ACER3: variants seen among roughly 807,000 people sequenced by gnomAD.
ACER3 encodes the protein alkCDase 3.
Under a neutral mutation model 48.9 loss-of-function variants are expected in ACER3, and 16 were observed. The observed-to-expected ratio is 0.33, with a 90% CI of 0.22 to 0.50. The LOEUF is 0.50. Among genes scored for constraint, ACER3 ranks in the 20% least tolerant of loss-of-function variants. ACER3 has a pLI of 0.98. For missense variants in ACER3, 227 were observed against 326.0 expected, an observed-to-expected ratio of 0.70 and a Z score of 2.34; for synonymous variants, 109 against 107.8, an observed-to-expected ratio of 1.01 and a Z score of -0.07.
At chr11:77,010,493 A>T (rs1949242051) in intron 7 of ACER3, among the ~76,000 whole-genome samples, 1 of 152,078 alleles carries the variant, frequency 6.6e-6, no homozygotes, top group Non-Finnish European at 1.5e-5. Context: ...TGAATAGATA[A>T]TGTTGAGCCA....
At chr11:76,986,533 T>G (rs1055896354) in intron 5 of ACER3, among the ~76,000 whole-genome samples, 1 of 152,204 alleles carries the variant, frequency 6.6e-6, no homozygotes, top group African/African-American at 2.4e-5. Flanking sequence ...CAGAGAACTT[T>G]GAAACAACAT....
chr11:76,989,744 G>T (rs1948759803), intron 5 of ACER3, among the ~76,000 whole-genome samples: 1 of 152,142 alleles, frequency 6.6e-6, no homozygotes, highest in African/African-American at 2.4e-5. Flanking sequence ...TAAGAAATTT[G>T]AACTTTGTCT....
intron 1 of ACER3, among the ~76,000 whole-genome samples, chr11:76,876,127 G>C (rs573323101): frequency 1.3e-5 from 2 of 152,236 alleles, no homozygotes; most frequent in East Asian, 3.9e-4. Context: ...ATTTTTGCTG[G>C]ATTTTGAGAA....
intron 3 of ACER3, among the ~76,000 whole-genome samples, chr11:76,969,667 CCAT>C (rs1948238781): frequency 6.6e-6 from 1 of 150,448 alleles, no homozygotes; most frequent in South Asian, 2.1e-4. Flanking sequence ...AAGCTGGAAA[CCAT>C]CATTCTCAGC....
intron 6 of ACER3, among the ~76,000 whole-genome samples, chr11:76,992,048 CA>C (rs1438981984): frequency 2.7e-5 from 4 of 149,748 alleles, no homozygotes; most frequent in African/African-American, 9.8e-5. Flanking sequence ...GGAAACATAG[CA>C]AAAAAAGAAA....
At position 76,919,513 on chromosome 11, in the gene ACER3, A is replaced by G. The variant is rs181975511; in HGVS notation, c.104-7044A>G. ...GGAGAATGTGTTTGGGGGTATAAAA[A>G]TATCATAGTTTTCAAAAATCTAAAT... On this transcript the variant is annotated intron_variant, in intron 1 of 10. Coordinates refer to ENST00000532485, the MANE Select transcript of ACER3 (RefSeq NM_018367.7). Among the ~76,000 whole-genome samples, 712 of 152,308 alleles carry G rather than the reference A, an allele frequency of 4.7e-3. 10 individuals are homozygous for G. Among genetic ancestry groups the G allele is most frequent in the Non-Finnish European group, 1.2e-3 (85 of 68,028 alleles).
chr11:76,902,291 A>G (rs1344965034), intron 1 of ACER3, among the ~76,000 whole-genome samples: 2 of 152,186 alleles, frequency 1.3e-5, no homozygotes, highest in Admixed American at 1.3e-4. Flanking sequence ...GCTTTAAGTC[A>G]TCATATAATG....
At chr11:76,913,911 T>A (rs1946454052) in intron 1 of ACER3, among the ~76,000 whole-genome samples, 1 of 152,204 alleles carries the variant, frequency 6.6e-6, no homozygotes, top group East Asian at 1.9e-4. Context: ...TACAACCATC[T>A]GATCTTTGAC....
chr11:76,988,912 A>G (rs1279423592), intron 5 of ACER3, among the ~76,000 whole-genome samples: 4 of 152,202 alleles, frequency 2.6e-5, no homozygotes, highest in Non-Finnish European at 5.9e-5. Flanking sequence ...CTTGCAAATT[A>G]CTTAATCTCT....
At chr11:76,952,929 G>T (rs1947723813) in intron 2 of ACER3, among the ~76,000 whole-genome samples, 1 of 152,074 alleles carries the variant, frequency 6.6e-6, no homozygotes, top group Admixed American at 6.5e-5. Context: ...GCCTCCCAAA[G>T]TGCTGGGATT....
intron 3 of ACER3, among the ~76,000 whole-genome samples, chr11:76,963,217 G>A (rs1948046351): frequency 6.6e-6 from 1 of 151,220 alleles, no homozygotes; most frequent in East Asian, 1.9e-4. Context: ...AGGGAGGAGG[G>A]GGGCTTACTT....
chr11:76,937,748 CA>C (rs1287567486), intron 2 of ACER3, among the ~76,000 whole-genome samples: 13 of 152,194 alleles, frequency 8.5e-5, no homozygotes, highest in Non-Finnish European at 1.0e-4. Context: ...GAGAGAGTGA[CA>C]CTTCTGAGTA....
chr11:76,927,609 C>T (rs571076805), intron 2 of ACER3, among the ~76,000 whole-genome samples: 2 of 152,070 alleles, frequency 1.3e-5, no homozygotes, highest in Admixed American at 1.3e-4. Context: ...TCCCTCCCCC[C>T]TTCCCCCACC....
chr11:76,879,029 G>C (rs1945458464), intron 1 of ACER3, among the ~76,000 whole-genome samples: 1 of 151,924 alleles, frequency 6.6e-6, no homozygotes, highest in African/African-American at 2.4e-5. Flanking sequence ...TTTTATCATT[G>C]AGTAATAGGG....
chr11:76,977,163 A>G (rs1254224156), intron 4 of ACER3, among the ~76,000 whole-genome samples: 1 of 152,240 alleles, frequency 6.6e-6, no homozygotes, highest in Non-Finnish European at 1.5e-5. Flanking sequence ...ATGGACAAAA[A>G]CAGAACTTGA....
At position 77,016,615 on chromosome 11, in the gene ACER3, C is replaced by G. The variant is rs1555023375; in HGVS notation, c.600-60C>G. On this transcript the variant is annotated intron_variant, in intron 8 of 10. Coordinates refer to ENST00000532485, the MANE Select transcript of ACER3 (RefSeq NM_018367.7). ...ATATTTCAAAATGCTCTAAGACTAT[C>G]AGCGTTAGTCGCTAAATATTTTAAA... 4 of 853,576 alleles carry G rather than the reference C, an allele frequency of 4.7e-6. No homozygotes were observed. In the African/African-American group the frequency reaches 6.9e-5, roughly 15 times the overall value. The allele number at this position is 853,576 out of a possible 1,614,324, so 52.9% of individuals were successfully genotyped here. A position where few individuals can be genotyped will look rare whatever the true frequency, so the allele number is the denominator to read the frequency against.
intron 1 of ACER3, among the ~76,000 whole-genome samples, chr11:76,914,856 C>T (rs1046603574): frequency 1.7e-4 from 26 of 152,280 alleles, no homozygotes; most frequent in Middle Eastern, 6.8e-3. Flanking sequence ...CCATGGAATA[C>T]TATGCAGCCA....
intron 1 of ACER3, among the ~76,000 whole-genome samples, chr11:76,876,074 C>T (rs959347641): frequency 6.6e-6 from 1 of 152,120 alleles, no homozygotes; most frequent in Non-Finnish European, 1.5e-5. Flanking sequence ...GGATTACAGG[C>T]ATGAGCCACC....
At chr11:76,868,181 T>C in intron 1 of ACER3, 1 of 1,289,760 alleles carries the variant, frequency 7.8e-7, no homozygotes, top group Non-Finnish European at 1.0e-6. Context: ...ATCAGGCTTC[T>C]TTTTTGGTCT....
Sources: gnomAD v4.1 joint callset for allele counts (sites outside exome capture counted in the v4.1 genomes callset) on GRCh38, gnomAD v4.1.1 for gene constraint, MANE v1.5 for transcripts, NCBI Gene and HGNC (gene_info 2026-07-23, HGNC 2026-07-21) for gene names.